Variants in FAM83E observed in about 807,000 individuals in gnomAD.
FAM83E encodes scaffolding CK1 anchoring protein E, also known as protein FAM83E.
Under a neutral mutation model 34.3 loss-of-function variants are expected in FAM83E, and 29 were observed. That is an observed-to-expected ratio of 0.85 (90% confidence interval 0.63 to 1.15). The LOEUF is 1.15. Ranked by LOEUF, FAM83E falls within the 50% of genes most tolerant of loss-of-function variation. The pLI, the probability that FAM83E is intolerant of heterozygous loss-of-function variation, is 0.00. For synonymous variants in FAM83E, 312 were observed against 311.6 expected (o/e 1.00, Z -0.01); for missense variants, 697 against 685.0 (o/e 1.02, Z -0.20).
rs1974114720 is a variant in FAM83E at position 48,614,693 on chromosome 19, A to ACCCTCACCCATCCCCCCCC, written c.-1256+14_-1256+15insGGGGGGGGATGGGTGAGGG. The ACCCTCACCCATCCCCCCCC allele has an allele frequency of 2.6e-5, 16 of 610,460 alleles. No individual in the cohort carries two copies. Among genetic ancestry groups the ACCCTCACCCATCCCCCCCC allele is most frequent in the Non-Finnish European group, 3.2e-5 (16 of 502,142 alleles). The allele number at this position is 610,460 out of a possible 1,614,324, so 37.8% of individuals were successfully genotyped here. On this transcript the variant is annotated intron_variant, in intron 2 of 6. Transcript: ENST00000263266. ...CGCCCCACCCTCACCCATCCCCCCC[A>ACCCTCACCCATCCCCCCCC]TCGCCGGGGCTCACCCACACCGGCT...
At chr19:48,607,874 G>C (rs1017085271) in intron 5 of FAM83E, among the ~76,000 whole-genome samples, 4 of 143,692 alleles carry the variant, frequency 2.8e-5, no homozygotes, top group African/African-American at 1.0e-4. Flanking sequence ...TATGAGCCAC[G>C]GCACCTGGCC....
At chr19:48,603,245 T>A (rs951155920) in intron 6 of FAM83E, among the ~76,000 whole-genome samples, 3 of 152,166 alleles carry the variant, frequency 2.0e-5, no homozygotes, top group Non-Finnish European at 4.4e-5. Context: ...CCACCTAGTC[T>A]GTCATGCCAG....
At chr19:48,608,715 G>A (rs1973982287) in intron 5 of FAM83E, among the ~76,000 whole-genome samples, 1 of 151,954 alleles carries the variant, frequency 6.6e-6, no homozygotes, top group South Asian at 2.1e-4. Flanking sequence ...CAAAGTGCTG[G>A]GATTACAGGT....
In FAM83E at chr19:48,601,181, G is replaced by A. The variant is rs111418671; in HGVS notation, c.1365C>T (p.Phe455=). Residue 455 remains phenylalanine (F), a synonymous_variant, in exon 7 of 7, where the codon TTC becomes TTT. Transcript: ENST00000263266. ...TGACGCCTCTGGGCTCTTGAAGTTT[G>A]AATGTAGCATCCCCACCGAACCGCC... ...ARRRFGGDAT[F]KLQEPRGVRP... is the part of the protein sequence containing the mutation. 2.5e-5 allele frequency: 40 copies of A among 1,613,050 alleles called. 1 individual carries two copies. The African/African-American group carries it at 3.5e-4, about 14-fold the overall frequency.
chr19:48,614,882 G>GC, intron 1 of FAM83E, 43 bp from the exon 2 acceptor site: 4 of 756,072 alleles, frequency 5.3e-6, no homozygotes, highest in Non-Finnish European at 6.4e-6. Flanking sequence ...ACACAGGAGG[G>GC]CCCCCACAGG....
chr19:48,614,254 G>A lies in FAM83E; in HGVS notation c.-882C>T, dbSNP rs1189798992. On this transcript the variant is annotated 5_prime_UTR_variant, in exon 3 of 7. Coordinates refer to ENST00000263266, the MANE Select transcript of FAM83E (RefSeq NM_017708.4). ...CAGGGGTCTCCATTACTATGGGACA[G>A]GTCTATGATCTTCACAGCCCATCTA... The A allele has an allele frequency of 3.0e-6, 3 of 985,386 alleles. No individual in the cohort carries two copies. Among genetic ancestry groups the A allele is most frequent in the Non-Finnish European group, 3.6e-6 (3 of 830,006 alleles). 61.0% of individuals were successfully genotyped at this position (985,386 alleles called of 1,614,324 possible). A position where few individuals can be genotyped will look rare whatever the true frequency, so the allele number is the denominator to read the frequency against.
chr19:48,607,667 G>A, intron 5 of FAM83E: 1 of 349,022 alleles, frequency 2.9e-6, no homozygotes. Context: ...ATGAAATATG[G>A]TAAAAAATAT....
At chr19:48,607,400 T>C (rs761010268) in intron 5 of FAM83E, 21 of 1,505,320 alleles carry the variant, frequency 1.4e-5, no homozygotes, top group Non-Finnish European at 1.9e-5. Context: ...GATCCGCCAC[T>C]CCCCATGTCC....
At chr19:48,604,748 G>T (rs1312722070) in intron 5 of FAM83E, among the ~76,000 whole-genome samples, 1 of 148,520 alleles carries the variant, frequency 6.7e-6, no homozygotes, top group African/African-American at 2.5e-5. Flanking sequence ...AAAGCCAGAT[G>T]CGGTGGCTCA....
rs771769801 is a variant in FAM83E at position 48,613,334 on chromosome 19, G to A, written c.39C>T (p.Asp13=). 3.1e-6 allele frequency: 5 copies of A among 1,588,718 alleles called. No individual in the cohort carries two copies. The highest frequency in any genetic ancestry group is 4.3e-6 in the Non-Finnish European group (5 of 1,168,772). Residue 13 remains aspartate (D), a synonymous_variant, in exon 3 of 7, where the codon GAC becomes GAT. Transcript: ENST00000263266. ...TGGCCCCGGGCACCCTGGGACCGGA[G>A]TCCACTCCTTCCAGCGCCGCCAGCT... ...ASQLAALEGV[D]SGPRVPGASP...
At position 48,603,588 on chromosome 19, in the gene FAM83E, C is replaced by T. The variant is rs554603524; in HGVS notation, c.1082G>A (p.Arg361Gln). The change falls in exon 6 of 7, where the codon CGG (arginine) becomes CAG (glutamine). Residue 361 changes from arginine (R) to glutamine (Q), a missense_variant. Arg to Gln is a conservative substitution (Grantham distance 43, BLOSUM62 1). Coordinates refer to ENST00000263266, the MANE Select transcript of FAM83E (RefSeq NM_017708.4). The stretch of plus-strand genomic sequence containing the variant: ...CCGGGCCGGGGGGCCGCTGGGGGTC[C>T]GGGCGCGCTGCACACTCCTTAGAAT... ...SDILRSVQRARTPSGPPARPS... is the reference protein window; with the variant it reads ...SDILRSVQRAQTPSGPPARPS... 263 of 1,544,024 alleles carry T rather than the reference C, an allele frequency of 1.7e-4. 1 individual carries two copies. In the South Asian group the frequency reaches 2.1e-3, roughly 13 times the overall value.
At chr19:48,611,521 G>GC (rs1345346073) in intron 3 of FAM83E, among the ~76,000 whole-genome samples, 1 of 149,884 alleles carries the variant, frequency 6.7e-6, no homozygotes, top group East Asian at 2.0e-4. Context: ...AGGCTGGAGT[G>GC]CAGTGGCGCA....
rs1413978962 is a variant in FAM83E, at chr19:48,613,941, C to T, written c.-569G>A. 4 of 985,176 alleles carry T rather than the reference C, an allele frequency of 4.1e-6. No homozygotes were observed. The highest frequency in any genetic ancestry group is 2.3e-4 in the East Asian group (2 of 8,794). The allele number at this position is 985,176 out of a possible 1,614,324, so 61.0% of individuals were successfully genotyped here. On this transcript the variant is annotated 5_prime_UTR_variant, in exon 3 of 7. Transcript: ENST00000263266. ...CCGGCCAAGAGCACGACGAACTGAC[C>T]CTCTCCTTCCACTGTCTGGCAAACG...
At chr19:48,608,074 C>T (rs1222614755) in intron 5 of FAM83E, among the ~76,000 whole-genome samples, 3 of 152,240 alleles carry the variant, frequency 2.0e-5, no homozygotes, top group East Asian at 3.9e-4. Context: ...GTTCCAGGCA[C>T]GATGAATGGC....
In FAM83E at chr19:48,610,695, G is replaced by T. The variant is rs746337331; in HGVS notation, c.618C>A (p.Asn206Lys). 26 of 1,571,272 alleles carry T rather than the reference G, an allele frequency of 1.7e-5. No individual in the cohort carries two copies. Among genetic ancestry groups the T allele is most frequent in the Non-Finnish European group, 2.1e-5 (24 of 1,158,664 alleles). Residue 206 changes from asparagine (N) to lysine (K), a missense_variant, in exon 4 of 7, where the codon AAC (asparagine) becomes AAA (lysine). Physicochemically the swap from Asn to Lys is moderately conservative, Grantham distance 94. Coordinates refer to ENST00000263266, the MANE Select transcript of FAM83E (RefSeq NM_017708.4). Reference protein sequence around the residue: ...FLELAQQLGVNPWNTENVDVR... With the variant: ...FLELAQQLGVKPWNTENVDVR... ...CGGCCCCTACCTCCGTGTTCCAGGG[G>T]TTCACCCCCAGCTGCTGGGCCAGTT...
At position 48,614,214 on chromosome 19, in the gene FAM83E, G is replaced by A. The variant is rs1305022860; in HGVS notation, c.-842C>T. 2.0e-6 allele frequency: 2 copies of A among 985,480 alleles called. No individual in the cohort carries two copies. The highest frequency in any genetic ancestry group is 2.3e-4 in the East Asian group (2 of 8,814). 61.0% of individuals were successfully genotyped at this position (985,480 alleles called of 1,614,324 possible). On this transcript the variant is annotated 5_prime_UTR_variant, in exon 3 of 7. Transcript: ENST00000263266. ...CACTCCTTCCAGCTGCTGCAGTGGA[G>A]GGTGAAATGCGCTACAGGGGTCTCC...
intron 5 of FAM83E, chr19:48,607,531 G>T: frequency 3.6e-6 from 3 of 832,982 alleles, no homozygotes; most frequent in Non-Finnish European, 5.6e-6. Flanking sequence ...CCCCAGGCCT[G>T]ACTGAGCGGC....
chr19:48,602,701 AAAAATATATATATATATATATAT>A (rs1185182787), intron 6 of FAM83E, among the ~76,000 whole-genome samples: 4 of 44,244 alleles, frequency 9.0e-5, no homozygotes, highest in African/African-American at 4.8e-4. Flanking sequence ...AAAAAAAAAA[AAAAATATATATATATATATATAT>A]ATATATATAT....
intron 4 of FAM83E, 53 bp from the exon 5 acceptor site, chr19:48,610,053 T>A: frequency 6.3e-7 from 1 of 1,591,318 alleles, no homozygotes; most frequent in African/African-American, 1.3e-5. Flanking sequence ...ACTGCATGGA[T>A]TCAGGCTCCC....
Sources: allele counts gnomAD v4.1 joint callset (sites outside exome capture counted in the v4.1 genomes callset), GRCh38; gene constraint gnomAD v4.1.1; transcripts MANE v1.5; gene names NCBI Gene and HGNC (gene_info 2026-07-23, HGNC 2026-07-21).